The following NRK variants were observed in gnomAD, a reference collection of about 807,000 sequenced individuals.
NRK encodes nik-related protein kinase.
NRK carries 67 observed loss-of-function variants against 125.2 expected under a neutral mutation model. That is an observed-to-expected ratio of 0.54 (90% confidence interval 0.44 to 0.66). The LOEUF (loss-of-function observed/expected upper bound fraction) is 0.66, where lower values mean the gene tolerates loss of function less well. NRK is among the 30% of genes least tolerant of loss of function. The pLI, the probability that NRK is intolerant of heterozygous loss-of-function variation, is 0.00. For synonymous variants in NRK, 458 were observed against 429.0 expected (o/e 1.07, Z -0.84); for missense variants, 1,224 against 1,192.9 (o/e 1.03, Z -0.38).
At chrX:105,935,913 T>C (rs1448957833) in intron 21 of NRK, among the ~76,000 whole-genome samples, 1 of 109,663 alleles carries the variant, frequency 9.1e-6, no homozygotes, top group Non-Finnish European at 1.9e-5. Flanking sequence ...TGTGATACTT[T>C]ATGAGGTATT....
intron 19 of NRK, among the ~76,000 whole-genome samples, chrX:105,929,699 T>C (rs1373619098): frequency 8.9e-6 from 1 of 111,737 alleles, no homozygotes; most frequent in Non-Finnish European, 1.9e-5. Flanking sequence ...AATTTCATGT[T>C]TTCATGATAG....
chrX:105,938,389 TA>T (rs2040693039), intron 22 of NRK, among the ~76,000 whole-genome samples: 1 of 112,293 alleles, frequency 8.9e-6, no homozygotes, highest in African/African-American at 3.2e-5. Context: ...GTGTTATTCC[TA>T]AAATGATTAA....
intron 22 of NRK, among the ~76,000 whole-genome samples, chrX:105,939,179 A>C (rs1417842079): frequency 9.0e-6 from 1 of 111,700 alleles, no homozygotes; most frequent in Non-Finnish European, 1.9e-5. Flanking sequence ...CACATAAGTA[A>C]GAATCCTATT....
rs1279133980 is a variant in NRK, at chrX:105,956,562, A to C, written c.*962A>C. 1 of 112,291 alleles carries C rather than the reference A, an allele frequency of 8.9e-6. No individual in the cohort carries two copies. Among genetic ancestry groups the C allele is most frequent in the Non-Finnish European group, 1.9e-5 (1 of 53,231 alleles). The allele number at this position is 112,291 out of a possible 1,213,427, so 9.3% of individuals were successfully genotyped here. On this transcript the variant is annotated 3_prime_UTR_variant, in exon 29 of 29. Transcript: ENST00000243300. ...TTCCTTCCAGTATTAAACAAAAAGAATTAAACATAACTATGAAAAAACTTT... is the reference window on the plus strand; with the variant it reads ...TTCCTTCCAGTATTAAACAAAAAGACTTAAACATAACTATGAAAAAACTTT...
At chrX:105,844,023 G>GTGTGTGTC (rs2039368454) in intron 2 of NRK, among the ~76,000 whole-genome samples, 1 of 92,659 alleles carries the variant, frequency 1.1e-5, no homozygotes, top group African/African-American at 5.1e-5. Flanking sequence ...GTGTGTCTGT[G>GTGTGTGTC]TGTGTGTGTG....
intron 16 of NRK, among the ~76,000 whole-genome samples, chrX:105,919,384 T>C (rs1019489506): frequency 3.5e-4 from 39 of 111,671 alleles, no homozygotes; most frequent in Non-Finnish European, 5.1e-4. Context: ...GATACATTTG[T>C]ATTTTAAATG....
intron 26 of NRK, among the ~76,000 whole-genome samples, chrX:105,947,460 AAAAG>A (rs1339829614): frequency 1.8e-5 from 1 of 56,896 alleles, no homozygotes; most frequent in Non-Finnish European, 2.9e-5. Context: ...AAAAAAAAAA[AAAAG>A]AAAGAAATAC....
At chrX:105,941,555 A>AGAGAGAG (rs2040741294) in intron 23 of NRK, among the ~76,000 whole-genome samples, 24 of 85,270 alleles carry the variant, frequency 2.8e-4, no homozygotes, top group Admixed American at 8.1e-4. Context: ...GAGAGACAGA[A>AGAGAGAG]AGAGAGAGAG....
intron 2 of NRK, among the ~76,000 whole-genome samples, chrX:105,862,804 T>G (rs986394111): frequency 8.9e-6 from 1 of 112,268 alleles, no homozygotes; most frequent in Non-Finnish European, 1.9e-5. Context: ...GTGCTCTTAA[T>G]GGTCTCAGCA....
chrX:105,925,277 G>C (rs182342557), intron 19 of NRK, among the ~76,000 whole-genome samples: 1 of 111,244 alleles, frequency 9.0e-6, no homozygotes, highest in Non-Finnish European at 1.9e-5. Context: ...ATTTGAGGTA[G>C]TGTCTCTTGA....
chrX:105,954,637 C>T (rs1007597767), intron 28 of NRK, among the ~76,000 whole-genome samples: 1 of 111,051 alleles, frequency 9.0e-6, no homozygotes, highest in Admixed American at 9.6e-5. Context: ...CTTTGTCACA[C>T]CTAGTGTATC....
chrX:105,889,028 C>A (rs2039983394), intron 5 of NRK, among the ~76,000 whole-genome samples: 1 of 111,886 alleles, frequency 8.9e-6, no homozygotes, highest in South Asian at 3.7e-4. Context: ...AGCATTAACT[C>A]AAAAGTCTGC....
At position 105,917,615 on chromosome X, in the gene NRK, C is replaced by A; in HGVS notation, c.2455C>A (p.Pro819Thr). 8.5e-7 allele frequency: 1 copy of A among 1,170,486 alleles called. No individual in the cohort carries two copies. The highest frequency in any genetic ancestry group is 1.1e-6 in the Non-Finnish European group (1 of 872,423). Reference sequence around the variant, plus strand: ...GTCTCTTTTGGAACAAGCTCAGAAGCCCATTGACATCAGACAAAGGAGTTC... The same window carrying A: ...GTCTCTTTTGGAACAAGCTCAGAAGACCATTGACATCAGACAAAGGAGTTC... Reference protein sequence around the residue: ...QRSLLEQAQKPIDIRQRSSQN... With the variant: ...QRSLLEQAQKTIDIRQRSSQN... Residue 819 changes from proline to threonine, a missense_variant, in exon 16 of 29, where the codon CCC becomes ACC. Coordinates refer to ENST00000243300, the MANE Select transcript of NRK (RefSeq NM_198465.4).
At chrX:105,830,314 CAAAAAAAAA>C (rs71932033) in intron 1 of NRK, among the ~76,000 whole-genome samples, 1 of 11,051 alleles carries the variant, frequency 9.0e-5, no homozygotes, top group Non-Finnish European at 1.5e-4. Context: ...AACTCCGTCG[CAAAAAAAAA>C]AAAAAAAAAA....
In NRK at chrX:105,831,465, A is replaced by G. The variant is rs2039191588; in HGVS notation, c.123+346A>G. On this transcript the variant is annotated intron_variant, in intron 2 of 28. Transcript: ENST00000243300. ...CATTCTAAATACTCACATTCAACTGAAAACTGAATGTTATTAAAAGGAATG... is the reference window on the plus strand; with the variant it reads ...CATTCTAAATACTCACATTCAACTGGAAACTGAATGTTATTAAAAGGAATG... 1.8e-5 allele frequency among the ~76,000 whole-genome samples: 2 copies of G among 112,471 alleles called. 1 individual carries two copies. Among genetic ancestry groups the G allele is most frequent in the Admixed American group, 1.9e-4 (2 of 10,621 alleles).
At chrX:105,915,235 T>C (rs1602667993) in intron 14 of NRK, among the ~76,000 whole-genome samples, 1 of 110,889 alleles carries the variant, frequency 9.0e-6, no homozygotes, top group African/African-American at 3.3e-5. Flanking sequence ...ATGAAATGTA[T>C]GTATGTGTGT....
intron 5 of NRK, among the ~76,000 whole-genome samples, chrX:105,889,114 C>T (rs1277235623): frequency 8.9e-6 from 1 of 112,355 alleles, no homozygotes; most frequent in African/African-American, 3.2e-5. Context: ...AGTTAGTTAC[C>T]GTAGATACAA....
intron 28 of NRK, among the ~76,000 whole-genome samples, chrX:105,953,826 GT>G (rs1348594431): frequency 1.3e-4 from 14 of 111,691 alleles, no homozygotes; most frequent in African/African-American, 4.6e-4. Flanking sequence ...AAATAATAGT[GT>G]GAAGAAATAG....
At position 105,923,437 on chromosome X, in the gene NRK, T is replaced by C. The variant is rs1419244876; in HGVS notation, c.2930T>C (p.Val977Ala). The change falls in exon 18 of 29, where the codon GTT (valine) becomes GCT (alanine). Residue 977 changes from valine to alanine, a missense_variant. Coordinates refer to ENST00000243300, the MANE Select transcript of NRK (RefSeq NM_198465.4). Reference sequence around the variant, plus strand: ...CATGATGATGACAACAATAAGTTTGTTGATGATGTAAATAATAATTATTAT... The same window carrying C: ...CATGATGATGACAACAATAAGTTTGCTGATGATGTAAATAATAATTATTAT... ...KDHDDDNNKF[V>A]DDVNNNYYEA... 1 of 1,147,780 alleles carries C rather than the reference T, an allele frequency of 8.7e-7. No individual in the cohort carries two copies. The allele number at this position is 1,147,780 out of a possible 1,213,427, so 94.6% of individuals were successfully genotyped here. A position where few individuals can be genotyped will look rare whatever the true frequency, so the allele number is the denominator to read the frequency against.
Sources: allele counts gnomAD v4.1 joint callset (sites outside exome capture counted in the v4.1 genomes callset), GRCh38; gene constraint gnomAD v4.1.1; transcripts MANE v1.5; gene names NCBI Gene and HGNC (gene_info 2026-07-23, HGNC 2026-07-21).